Variants in FER1L5 observed in about 807,000 individuals in gnomAD.
FER1L5 encodes the protein fer-1 like family member 5.
Under a neutral mutation model 279.9 loss-of-function variants are expected in FER1L5, and 187 were observed. The observed-to-expected ratio is 0.67, with a 90% confidence interval of 0.59 to 0.75. FER1L5 has a LOEUF of 0.75. FER1L5 is among the 30% of genes least tolerant of loss of function. The probability of loss-of-function intolerance (pLI) is 0.00; values close to 1 mark genes in which losing one functional copy is unlikely to be tolerated. For synonymous variants in FER1L5, 921 were observed against 989.7 expected (o/e 0.93, Z 1.30); for missense variants, 2,091 against 2,594.4 (o/e 0.81, Z 4.21).
intron 19 of FER1L5, among the ~76,000 whole-genome samples, chr2:96,683,516 A>G (rs1178046104): frequency 7.7e-6 from 1 of 129,586 alleles, no homozygotes; most frequent in African/African-American, 2.8e-5. Flanking sequence ...CCCCCGCCCA[A>G]ATAAGGCCAG....
intron 17 of FER1L5, among the ~76,000 whole-genome samples, chr2:96,669,555 T>G (rs1226303581): frequency 6.6e-6 from 1 of 152,134 alleles, no homozygotes; most frequent in African/African-American, 2.4e-5. Context: ...GATCCCAGTT[T>G]CTGACTGTGC....
intron 9 of FER1L5, among the ~76,000 whole-genome samples, chr2:96,657,418 A>G (rs2075642739): frequency 6.6e-6 from 1 of 152,158 alleles, no homozygotes; most frequent in Non-Finnish European, 1.5e-5. Context: ...TCATTGACAT[A>G]CAATTAATGG....
Position 96,647,792 on chromosome 2 carries a change from C to T in FER1L5, c.245C>T (p.Ala82Val). 6.4e-7 allele frequency: 1 copy of T among 1,551,534 alleles called. No individual in the cohort carries two copies. The highest frequency in any genetic ancestry group is 2.4e-5 in the East Asian group (1 of 40,914). Reference protein sequence around the residue: ...SQKKERFIGLATVLLKPLLKQ... With the variant: ...SQKKERFIGLVTVLLKPLLKQ... ...TGTCTCCCCAGATTCATTGGCCTGG[C>T]CACAGTACTGCTCAAGCCATTGTTG... The change falls in exon 4 of 53, where the codon GCC (alanine) becomes GTC (valine). Residue 82 changes from alanine (A) to valine (V), a missense_variant. Ala to Val is a moderately conservative substitution (Grantham distance 64). Coordinates refer to ENST00000624922, the MANE Select transcript of FER1L5 (RefSeq NM_001293083.2).
At position 96,693,535 on chromosome 2, in the gene FER1L5, C is replaced by G; in HGVS notation, c.3322C>G (p.His1108Asp). 1 of 1,551,398 alleles carries G rather than the reference C, an allele frequency of 6.4e-7. No homozygotes were observed. The highest frequency in any genetic ancestry group is 8.7e-7 in the Non-Finnish European group (1 of 1,146,898). ...CTTCATTCGGGTGGTCTTCCTGAACCACAGCCAGTGCACCCAAACCCTGAG... is the reference window on the plus strand; with the variant it reads ...CTTCATTCGGGTGGTCTTCCTGAACGACAGCCAGTGCACCCAAACCCTGAG... ...GPFIRVVFLN[H>D]SQCTQTLRSS... is the part of the protein sequence containing the mutation. Residue 1108 changes from histidine to aspartate, a missense_variant, in exon 32 of 53, where the codon CAC becomes GAC. By Grantham distance (81) the His-to-Asp change is moderately conservative (BLOSUM62 -1). Coordinates refer to ENST00000624922, the MANE Select transcript of FER1L5 (RefSeq NM_001293083.2).
At chr2:96,652,643 A>G (rs968881967) in intron 7 of FER1L5, 4 of 156,546 alleles carry the variant, frequency 2.6e-5, no homozygotes, top group Non-Finnish European at 4.2e-5. Flanking sequence ...AACTATAGCT[A>G]TGGGTGTGGC....
chr2:96,674,219 G>GT (rs2076429396), intron 19 of FER1L5, among the ~76,000 whole-genome samples: 1 of 151,990 alleles, frequency 6.6e-6, no homozygotes, highest in Admixed American at 6.6e-5. Flanking sequence ...TCTTTCTTCT[G>GT]TTTTTTGTTT....
chr2:96,703,772 C>G, intron 51 of FER1L5, 140 bp downstream of exon 51: 1 of 647,378 alleles, frequency 1.5e-6, no homozygotes, highest in East Asian at 3.1e-5. Flanking sequence ...CAGCAAAGAA[C>G]AGACTTGGGG....
At chr2:96,645,751 G>A (rs1030508819) in intron 1 of FER1L5, among the ~76,000 whole-genome samples, 2 of 151,984 alleles carry the variant, frequency 1.3e-5, no homozygotes, top group Admixed American at 6.6e-5. Context: ...ACTCCAGCCT[G>A]GGTGATAGAG....
intron 19 of FER1L5, among the ~76,000 whole-genome samples, chr2:96,680,841 C>T (rs1012791289): frequency 1.3e-4 from 20 of 152,152 alleles, no homozygotes; most frequent in Admixed American, 6.5e-4. Flanking sequence ...CACCAAGGCC[C>T]TCTAGATCAT....
chr2:96,662,160 T>C, intron 12 of FER1L5, 55 bp from the exon 13 acceptor site: 1 of 1,525,588 alleles, frequency 6.6e-7, no homozygotes, highest in Non-Finnish European at 8.9e-7. Context: ...CCACCCTATT[T>C]CCTCCTCCTG....
Position 96,689,781 on chromosome 2 carries a change from C to T in FER1L5, c.2640+23C>T, listed in dbSNP as rs1312293396. ...GTGGTGAGCAGGGCCGAAGCTGCCT[C>T]GGGTTAGGGGGCAAGCAAGGCCACC... On this transcript the variant is annotated intron_variant, in intron 26 of 52. Coordinates refer to ENST00000624922, the MANE Select transcript of FER1L5 (RefSeq NM_001293083.2). The surrounding 1 kb of genome is among the most constrained non-coding windows in gnomAD (Gnocchi z 4.6). The T allele has an allele frequency of 9.8e-6, 15 of 1,527,468 alleles. No homozygotes were observed. The Admixed American group carries it at 2.1e-4, about 21-fold the overall frequency. 94.6% of individuals were successfully genotyped at this position (1,527,468 alleles called of 1,614,324 possible).
At chr2:96,699,418 G>A in intron 42 of FER1L5, 132 bp from the exon 43 acceptor site, 3 of 1,099,494 alleles carry the variant, frequency 2.7e-6, no homozygotes, top group Non-Finnish European at 3.9e-6. Context: ...GCAGAAGGCA[G>A]CCTACCCCAT....
At chr2:96,649,280 G>T (rs1214605811) in intron 4 of FER1L5, among the ~76,000 whole-genome samples, 1 of 152,104 alleles carries the variant, frequency 6.6e-6, no homozygotes. Context: ...TTCATGAGAT[G>T]TTGGGCTAGG....
rs376166026 is a variant in FER1L5 at position 96,691,728 on chromosome 2, C to A, written c.3076-97C>A. On this transcript the variant is annotated intron_variant, in intron 29 of 52. Transcript: ENST00000624922. This position sits in a 1 kb window ranked among gnomAD's most constrained non-coding sequence, Gnocchi z 6.0. ...GAAGGGCCTCTGTTCCTCAGGCTTG[C>A]GAGGGTGGCAGTGTGAGGGAGGAGG... The A allele has an allele frequency of 6.5e-7, 1 of 1,549,800 alleles. No individual in the cohort carries two copies. The highest frequency in any genetic ancestry group is 2.0e-5 in the Admixed American group (1 of 50,862).
chr2:96,668,887 C>G lies in FER1L5; in HGVS notation c.1186C>G (p.Arg396Gly), dbSNP rs759041810. Reference protein sequence around the residue: ...SYIKFRVLDCRKKDCPDEIGT... With the variant: ...SYIKFRVLDCGKKDCPDEIGT... ...CCTGAGGAGTGTGTTTCTCTCTAGC[C>G]GCAAGAAGGACTGCCCGGATGAGAT... Residue 396 changes from arginine to glycine, a missense_variant and splice_region_variant, in exon 16 of 53, where the codon CGC (arginine) becomes GGC (glycine). By Grantham distance (125) the Arg-to-Gly change is moderately radical. Coordinates refer to ENST00000624922, the MANE Select transcript of FER1L5 (RefSeq NM_001293083.2). 2.9e-5 allele frequency: 45 copies of G among 1,551,474 alleles called. No individual in the cohort carries two copies. Among genetic ancestry groups the G allele is most frequent in the Non-Finnish European group, 3.8e-5 (44 of 1,146,968 alleles).
In FER1L5 at chr2:96,668,795, G is replaced by T. The variant is rs2076218956; in HGVS notation, c.1184+1G>T. The stretch of plus-strand genomic sequence containing the variant: ...ACATCAAGTTCAGAGTCTTGGACTG[G>T]TGAGCAACCTGGTGGAGGCTGAAGC... On this transcript the variant is annotated splice_donor_variant, in intron 15 of 52. Transcript: ENST00000624922. LOFTEE classifies it high-confidence loss of function. The T allele has an allele frequency of 6.4e-7, 1 of 1,551,554 alleles. No homozygotes were observed. The highest frequency in any genetic ancestry group is 8.7e-7 in the Non-Finnish European group (1 of 1,146,998).
Position 96,662,210 on chromosome 2 carries a change from C to A in FER1L5, c.1019-5C>A. 3 of 1,551,424 alleles carry A rather than the reference C, an allele frequency of 1.9e-6. No individual in the cohort carries two copies. The South Asian group carries it at 3.6e-5, about 18-fold the overall frequency. On this transcript the variant is annotated splice_region_variant and splice_polypyrimidine_tract_variant and intron_variant, in intron 12 of 52. Transcript: ENST00000624922. ...CTCAGATATCTTTTAACTTGTTGTT[C>A]ATAGAGAAACACCAGTCAGTGAATC...
At chr2:96,655,063 C>A (rs1229005653) in intron 9 of FER1L5, among the ~76,000 whole-genome samples, 12 of 152,010 alleles carry the variant, frequency 7.9e-5, no homozygotes, top group Non-Finnish European at 2.9e-5. Context: ...GTATATATAA[C>A]GTTTATGAAA....
chr2:96,692,841 T>C (rs1205142347), intron 31 of FER1L5, among the ~76,000 whole-genome samples: 1 of 151,982 alleles, frequency 6.6e-6, no homozygotes, highest in East Asian at 1.9e-4. Context: ...GAGAGGCCCA[T>C]GTGACGCTCC....
Sources: allele counts gnomAD v4.1 joint callset (sites outside exome capture counted in the v4.1 genomes callset), GRCh38; gene constraint gnomAD v4.1.1; non-coding constraint Gnocchi (gnomAD v3.1); transcripts MANE v1.5; gene names NCBI Gene and HGNC (gene_info 2026-07-23, HGNC 2026-07-21).